Variants in LRRIQ3 observed in about 807,000 individuals in gnomAD.
LRRIQ3 encodes the protein leucine-rich repeat and IQ domain-containing protein 3.
A neutral mutation model predicts 59.3 loss-of-function variants in LRRIQ3; 75 were observed. That is an observed-to-expected ratio of 1.26 (90% confidence interval 1.05 to 1.53). LRRIQ3 has a LOEUF of 1.53. Among genes scored for constraint, LRRIQ3 ranks in the 40% most tolerant of loss-of-function variants. The pLI, the probability that LRRIQ3 is intolerant of heterozygous loss-of-function variation, is 0.00. For synonymous variants in LRRIQ3, 250 were observed against 231.3 expected (o/e 1.08, Z -0.73); for missense variants, 831 against 710.0 (o/e 1.17, Z -1.94).
intron 5 of LRRIQ3, among the ~76,000 whole-genome samples, chr1:74,100,269 A>G (rs1646511054): frequency 6.6e-6 from 1 of 152,168 alleles, no homozygotes; most frequent in Non-Finnish European, 1.5e-5. Flanking sequence ...AATAACAGAC[A>G]AACAGAAAGC....
intron 5 of LRRIQ3, among the ~76,000 whole-genome samples, chr1:74,106,858 T>C (rs1309116249): frequency 6.6e-6 from 1 of 152,022 alleles, no homozygotes; most frequent in Non-Finnish European, 1.5e-5. Flanking sequence ...TCTGTATTTA[T>C]GCCAGCCTAA....
intron 5 of LRRIQ3, among the ~76,000 whole-genome samples, chr1:74,081,097 T>A (rs1646269054): frequency 6.6e-6 from 1 of 151,648 alleles, no homozygotes; most frequent in African/African-American, 2.4e-5. Context: ...GCTACTATCC[T>A]GCATTTGATA....
intron 6 of LRRIQ3, among the ~76,000 whole-genome samples, chr1:74,065,949 G>A (rs1654852845): frequency 6.6e-6 from 1 of 152,098 alleles, no homozygotes. Flanking sequence ...CACTTTGGGA[G>A]GCCGAGGTGA....
intron 5 of LRRIQ3, among the ~76,000 whole-genome samples, chr1:74,076,082 T>C (rs1362221320): frequency 2.0e-5 from 3 of 152,090 alleles, no homozygotes; most frequent in Non-Finnish European, 4.4e-5. Flanking sequence ...CCCGTTACCA[T>C]GACAGAAGAA....
rs532613768 is a variant in LRRIQ3 at position 74,046,996 on chromosome 1, T to C, written c.998-5063A>G. Among the ~76,000 whole-genome samples the C allele has an allele frequency of 6.2e-4, 94 of 152,288 alleles. 1 individual carries two copies. The South Asian group carries it at 0.019, about 31-fold the overall frequency. On this transcript the variant is annotated intron_variant, in intron 6 of 7. Coordinates refer to ENST00000354431, the MANE Select transcript of LRRIQ3 (RefSeq NM_001105659.2). The stretch of plus-strand genomic sequence containing the variant: ...GGGAAATAGGAATGCTTTTACACTG[T>C]TGGTGGAAGTGTAAATTAGTTCAAC...
At chr1:74,157,728 T>C (rs568000686) in intron 3 of LRRIQ3, among the ~76,000 whole-genome samples, 1 of 152,234 alleles carries the variant, frequency 6.6e-6, no homozygotes, top group South Asian at 2.1e-4. Flanking sequence ...TAAAAAAAAC[T>C]ATATATACCA....
chr1:74,180,774 T>G (rs1649928758), intron 3 of LRRIQ3: 1 of 1,550,166 alleles, frequency 6.5e-7, no homozygotes, highest in Non-Finnish European at 8.7e-7. Context: ...CATTTTCTCC[T>G]GTAAAATAAG....
chr1:74,135,899 G>C (rs1008670105), intron 4 of LRRIQ3, among the ~76,000 whole-genome samples: 3 of 151,700 alleles, frequency 2.0e-5, no homozygotes, highest in African/African-American at 7.3e-5. Flanking sequence ...AAATATGAGA[G>C]AGGAAATCAG....
chr1:74,123,713 G>A (rs1646895448), intron 4 of LRRIQ3, among the ~76,000 whole-genome samples: 1 of 151,860 alleles, frequency 6.6e-6, no homozygotes, highest in Admixed American at 6.6e-5. Flanking sequence ...ATTTGTTGAT[G>A]GACACTTAGG....
chr1:74,081,793 T>C (rs1332744506), intron 5 of LRRIQ3: 5 of 151,516 alleles, frequency 3.3e-5, no homozygotes, highest in African/African-American at 4.8e-5. Flanking sequence ...TAATTCTATA[T>C]CTTTATCTAA....
intron 6 of LRRIQ3, among the ~76,000 whole-genome samples, chr1:74,056,326 CA>C (rs1204164061): frequency 6.6e-6 from 1 of 151,918 alleles, no homozygotes; most frequent in Non-Finnish European, 1.5e-5. Flanking sequence ...TAAGGATGCC[CA>C]CTCTCACCAC....
intron 4 of LRRIQ3, among the ~76,000 whole-genome samples, chr1:74,115,942 G>A (rs771587126): frequency 4.0e-5 from 6 of 151,710 alleles, no homozygotes; most frequent in Non-Finnish European, 5.9e-5. Flanking sequence ...AATATTAAAC[G>A]CTTAAAATGC....
Position 74,026,716 on chromosome 1 carries a change from T to C in LRRIQ3, c.*97A>G, listed in dbSNP as rs1173847498. On this transcript the variant is annotated 3_prime_UTR_variant, in exon 8 of 8. Coordinates refer to ENST00000354431, the MANE Select transcript of LRRIQ3 (RefSeq NM_001105659.2). ...TTATATATAAATCCATCTTGTGATG[T>C]AGAGTATTTCTTGCTTTAGAGTATT... 5.6e-6 allele frequency: 5 copies of C among 887,408 alleles called. No homozygotes were observed. Among genetic ancestry groups the C allele is most frequent in the Non-Finnish European group, 6.8e-6 (4 of 584,412 alleles). 55.0% of individuals were successfully genotyped at this position (887,408 alleles called of 1,614,324 possible).
intron 6 of LRRIQ3, among the ~76,000 whole-genome samples, chr1:74,049,307 G>A (rs550165580): frequency 3.9e-5 from 6 of 152,212 alleles, no homozygotes; most frequent in East Asian, 1.9e-4. Context: ...ATTTGAAGTC[G>A]TTGAAGTAGG....
At chr1:74,031,732 G>A (rs1006670798) in intron 7 of LRRIQ3, among the ~76,000 whole-genome samples, 3 of 151,964 alleles carry the variant, frequency 2.0e-5, no homozygotes, top group Non-Finnish European at 2.9e-5. Context: ...TGCACGTTGT[G>A]CACATGTACC....
intron 4 of LRRIQ3, among the ~76,000 whole-genome samples, chr1:74,118,187 ACAC>A (rs1330162029): frequency 6.6e-6 from 1 of 152,114 alleles, no homozygotes; most frequent in East Asian, 1.9e-4. Context: ...ACACACACAC[ACAC>A]AATTATCAAT....
chr1:74,114,764 T>C (rs1186718445), intron 4 of LRRIQ3, among the ~76,000 whole-genome samples: 1 of 143,226 alleles, frequency 7.0e-6, no homozygotes, highest in Non-Finnish European at 1.5e-5. Flanking sequence ...ACCAAGAAAA[T>C]CACTAAAAAC....
intron 6 of LRRIQ3, among the ~76,000 whole-genome samples, chr1:74,054,376 G>A (rs527958271): frequency 6.6e-6 from 1 of 152,138 alleles, no homozygotes; most frequent in Non-Finnish European, 1.5e-5. Context: ...CAGGGATAAG[G>A]TGGGGAGGAT....
chr1:74,062,479 T>C (rs1168424711), intron 6 of LRRIQ3, among the ~76,000 whole-genome samples: 1 of 152,166 alleles, frequency 6.6e-6, no homozygotes, highest in Non-Finnish European at 1.5e-5. Flanking sequence ...GTTCACTCAT[T>C]GCAGAAAGCA....
Sources: allele counts gnomAD v4.1 joint callset (sites outside exome capture counted in the v4.1 genomes callset), GRCh38; gene constraint gnomAD v4.1.1; transcripts MANE v1.5; gene names NCBI Gene and HGNC (gene_info 2026-07-23, HGNC 2026-07-21).